The following OR2C1 variants were observed in gnomAD, a reference collection of about 807,000 sequenced individuals.
The protein encoded by OR2C1 is olfactory receptor 2C1.
For missense variants in OR2C1, 468 were observed against 388.3 expected (o/e 1.21, Z -1.73); for synonymous variants, 209 against 167.3 (o/e 1.25, Z -1.92).
At chr16:3,331,828 A>G in the OR2C1 span, among the ~76,000 whole-genome samples, 1 of 149,790 alleles carries the variant, frequency 6.7e-6, no homozygotes, top group Non-Finnish European at 1.5e-5. Flanking sequence ...AACCAACCCA[A>G]ATGTCCAACA....
chr16:3,355,982 G>A lies in OR2C1; in HGVS notation c.42G>A (p.Leu14=), dbSNP rs1291204745. The part of the protein sequence containing the change: ...VNDSSLQGFV[L]MGISDHPQLE... ...ATAGCTCCTTGCAGGGCTTTGTTCT[G>A]ATGGGCATATCAGACCATCCCCAGC... Residue 14 remains leucine, a synonymous_variant, in exon 1 of 1, where the codon CTG becomes CTA. Transcript: ENST00000304936. The A allele has an allele frequency of 1.2e-6, 2 of 1,613,604 alleles. No homozygotes were observed. The highest frequency in any genetic ancestry group is 1.1e-5 in the South Asian group (1 of 91,028).
At chr16:3,337,621 T>C in the OR2C1 span, among the ~76,000 whole-genome samples, 3 of 152,346 alleles carry the variant, frequency 2.0e-5, no homozygotes, top group South Asian at 6.2e-4. Flanking sequence ...CTTTTTGTTA[T>C]ATTTCTCAGA....
chr16:3,356,339 C>A lies in OR2C1; in HGVS notation c.399C>A (p.Thr133=). The A allele has an allele frequency of 6.2e-7, 1 of 1,613,344 alleles. No homozygotes were observed. Residue 133 remains threonine, a synonymous_variant, in exon 1 of 1, where the codon ACC becomes ACA. Coordinates refer to ENST00000304936, the MANE Select transcript of OR2C1 (RefSeq NM_012368.3). The stretch of plus-strand genomic sequence containing the variant: ...CAGTGTGCCGGCCCCTCCGCTACAC[C>A]GCCATCATGAACCCCCAGCTCTGCT... ...YVAVCRPLRY[T]AIMNPQLCWL... is the part of the protein sequence containing the mutation.
At chr16:3,326,205 A>C in the OR2C1 span, among the ~76,000 whole-genome samples, 2 of 152,192 alleles carry the variant, frequency 1.3e-5, no homozygotes, top group African/African-American at 4.8e-5. Context: ...CTGGGATTAC[A>C]GGCGTGAGCC....
chr16:3,340,278 C>CA, the OR2C1 span, among the ~76,000 whole-genome samples: 39,108 of 149,606 alleles, frequency 0.26, 5,129 homozygotes, highest in African/African-American at 0.29. Context: ...AACTCTGTCT[C>CA]AAAAAAAAAG....
chr16:3,353,449 C>G (rs1056334632), upstream of OR2C1, among the ~76,000 whole-genome samples: 13 of 145,220 alleles, frequency 9.0e-5, no homozygotes, highest in African/African-American at 3.3e-4. Context: ...CGAGATCCCG[C>G]CACTGCACTC....
the OR2C1 span, among the ~76,000 whole-genome samples, chr16:3,328,987 AAATT>A: frequency 9.7e-4 from 144 of 149,096 alleles, no homozygotes; most frequent in Non-Finnish European, 1.4e-3. Flanking sequence ...TGGACTAGGA[AAATT>A]AATTAATTAA....
At chr16:3,353,540 C>T (rs2030608337), upstream of OR2C1, among the ~76,000 whole-genome samples, 1 of 147,252 alleles carries the variant, frequency 6.8e-6, no homozygotes, top group Non-Finnish European at 1.5e-5. Flanking sequence ...GTAGCTCATG[C>T]TTGTAATCCC....
At chr16:3,340,579 C>G in the OR2C1 span, among the ~76,000 whole-genome samples, 133,913 of 152,204 alleles carry the variant, frequency 0.88, 58,957 homozygotes, top group South Asian at 0.92. Flanking sequence ...AGTTTTGGCT[C>G]TGTTTTTTAG....
the OR2C1 span, among the ~76,000 whole-genome samples, chr16:3,328,410 G>A: frequency 8.5e-5 from 13 of 152,124 alleles, no homozygotes; most frequent in African/African-American, 1.2e-4. Context: ...GGATTACTCC[G>A]CCTAAGTTTA....
chr16:3,338,141 A>G, the OR2C1 span, among the ~76,000 whole-genome samples: 1 of 152,216 alleles, frequency 6.6e-6, no homozygotes, highest in Non-Finnish European at 1.5e-5. Flanking sequence ...CACCCGTGGA[A>G]TGCACTTGCT....
At chr16:3,331,143 G>A in the OR2C1 span, among the ~76,000 whole-genome samples, 79 of 152,260 alleles carry the variant, frequency 5.2e-4, no homozygotes, top group African/African-American at 1.8e-3. Context: ...GCCAATGATG[G>A]TGAGCATTTT....
chr16:3,341,082 A>G, the OR2C1 span, among the ~76,000 whole-genome samples: 1 of 151,958 alleles, frequency 6.6e-6, no homozygotes, highest in Non-Finnish European at 1.5e-5. Context: ...CTTTCCAACT[A>G]TAATTACAAG....
the OR2C1 span, among the ~76,000 whole-genome samples, chr16:3,337,007 C>G: frequency 1.3e-5 from 2 of 151,874 alleles, no homozygotes; most frequent in Admixed American, 6.6e-5. Context: ...TGCGCCTGGC[C>G]CATGCCTGGC....
chr16:3,353,213 C>T (rs1038485611), upstream of OR2C1, among the ~76,000 whole-genome samples: 1 of 151,548 alleles, frequency 6.6e-6, no homozygotes, highest in Non-Finnish European at 1.5e-5. Flanking sequence ...ATAAGTAGGC[C>T]GGTCGCGGTG....
the OR2C1 span, among the ~76,000 whole-genome samples, chr16:3,344,107 G>A: frequency 6.6e-6 from 1 of 152,008 alleles, no homozygotes; most frequent in African/African-American, 2.4e-5. Flanking sequence ...TGTAATTCCA[G>A]CTACTTGGTA....
chr16:3,325,219 C>G, the OR2C1 span, among the ~76,000 whole-genome samples: 1 of 151,936 alleles, frequency 6.6e-6, no homozygotes, highest in Middle Eastern at 3.4e-3. Flanking sequence ...TGGCCTCAAC[C>G]GATTAGCCAC....
the OR2C1 span, among the ~76,000 whole-genome samples, chr16:3,341,111 A>G: frequency 1.3e-5 from 2 of 151,994 alleles, no homozygotes; most frequent in African/African-American, 2.4e-5. Flanking sequence ...CCTTTTATTT[A>G]TGTTTTTCTT....
the OR2C1 span, among the ~76,000 whole-genome samples, chr16:3,330,501 T>C: frequency 6.6e-6 from 1 of 152,282 alleles, no homozygotes; most frequent in African/African-American, 2.4e-5. Flanking sequence ...TGGAACAGAA[T>C]GGAGAGTCCA....
Sources: allele counts gnomAD v4.1 joint callset (sites outside exome capture counted in the v4.1 genomes callset), GRCh38; gene constraint gnomAD v4.1.1; transcripts MANE v1.5; gene names NCBI Gene and HGNC (gene_info 2026-07-23, HGNC 2026-07-21).